Variants in KANK1 observed in about 807,000 individuals in gnomAD.
KANK1 encodes the protein KN motif and ankyrin repeat domain-containing protein 1.
Under a neutral mutation model 106.2 loss-of-function variants are expected in KANK1, and 109 were observed. That is an observed-to-expected ratio of 1.03 (90% CI 0.88 to 1.20). The LOEUF is 1.20. Ranked by LOEUF, KANK1 falls within the 50% of genes most tolerant of loss-of-function variation. The pLI, the probability that KANK1 is intolerant of heterozygous loss-of-function variation, is 0.00. For missense variants in KANK1, 2,399 were observed against 1,710.7 expected, an observed-to-expected ratio of 1.40 and a Z score of -7.10; for synonymous variants, 873 against 652.2, an observed-to-expected ratio of 1.34 and a Z score of -5.16.
chr9:599,021 T>A (rs1448534974), intron 1 of KANK1, among the ~76,000 whole-genome samples: 6 of 56,962 alleles, frequency 1.1e-4, no homozygotes, highest in Admixed American at 2.9e-4. Context: ...ATTATTATTA[T>A]TTTTTTTTTT....
At chr9:633,906 C>G (rs1836431582) in intron 1 of KANK1, among the ~76,000 whole-genome samples, 2 of 152,210 alleles carry the variant, frequency 1.3e-5, no homozygotes, top group South Asian at 4.1e-4. Flanking sequence ...TGGCCTCAGC[C>G]TCCCACAGTG....
At chr9:514,135 C>T (rs183586130) in intron 1 of KANK1, among the ~76,000 whole-genome samples, 1,501 of 78,528 alleles carry the variant, frequency 0.019, 32 homozygotes, top group African/African-American at 0.091. Flanking sequence ...TCTCTCCCTC[C>T]CTCCCTCCCT....
chr9:545,751 TA>T (rs772822394), intron 1 of KANK1, among the ~76,000 whole-genome samples: 4,603 of 112,210 alleles, frequency 0.041, 165 homozygotes, highest in Non-Finnish European at 0.048. Context: ...TTTTTTTTTT[TA>T]AATTCCCTGA....
intron 3 of KANK1, among the ~76,000 whole-genome samples, chr9:490,607 T>C (rs1178898938): frequency 1.3e-5 from 2 of 152,212 alleles, no homozygotes; most frequent in East Asian, 3.9e-4. Context: ...GGACAAAATC[T>C]TTAGATAATT....
At chr9:719,925 AC>A (rs1828862890) in intron 3 of KANK1, among the ~76,000 whole-genome samples, 1 of 152,200 alleles carries the variant, frequency 6.6e-6, no homozygotes, top group African/African-American at 2.4e-5. Flanking sequence ...TTTGCTTTTA[AC>A]ATTCCTTTAT....
rs146878903 is a variant in KANK1 at position 616,004 on chromosome 9, G to A, written c.-83-60886G>A. ...AGCCTCTTGAGGCATGAAAGCCTAA[G>A]GAAGGTTTCTCATATTAAGGATCAA... On this transcript the variant is annotated intron_variant, in intron 1 of 11. Coordinates refer to ENST00000382297, the MANE Select transcript of KANK1 (RefSeq NM_015158.5). Among the ~76,000 whole-genome samples, 61 of 152,212 alleles carry A rather than the reference G, an allele frequency of 4.0e-4. No individual in the cohort carries two copies. The East Asian group carries it at 0.01, about 25-fold the overall frequency.
At chr9:614,187 C>T (rs138223967) in intron 1 of KANK1, among the ~76,000 whole-genome samples, 90 of 152,222 alleles carry the variant, frequency 5.9e-4, no homozygotes, top group African/African-American at 1.9e-3. Flanking sequence ...GTTCACAAAC[C>T]AGCTGTGAGA....
chr9:662,165 C>G (rs1482506036), intron 1 of KANK1, among the ~76,000 whole-genome samples: 2 of 151,950 alleles, frequency 1.3e-5, no homozygotes, highest in African/African-American at 2.4e-5. Context: ...CACTGCTCAA[C>G]AAAATAAAAG....
At chr9:596,771 G>T (rs190807672) in intron 1 of KANK1, among the ~76,000 whole-genome samples, 1 of 151,624 alleles carries the variant, frequency 6.6e-6, no homozygotes, top group African/African-American at 2.4e-5. Flanking sequence ...ACAATAGGCA[G>T]TTTAATAATT....
intron 1 of KANK1, among the ~76,000 whole-genome samples, chr9:625,728 T>A (rs1254198809): frequency 6.6e-6 from 1 of 152,164 alleles, no homozygotes; most frequent in African/African-American, 2.4e-5. Flanking sequence ...ATAAAATGAA[T>A]GGGAAGAAGT....
At chr9:521,172 A>C (rs16917912) in intron 1 of KANK1, among the ~76,000 whole-genome samples, 7,401 of 151,858 alleles carry the variant, frequency 0.049, 270 homozygotes, top group African/African-American at 0.059. Context: ...ATAAAGTCAT[A>C]CATTGCTGTG....
chr9:512,249 G>GTGTGTGTGTGTGTGTGTGTGTGTGTATA (rs370159663), intron 1 of KANK1, among the ~76,000 whole-genome samples: 200 of 149,612 alleles, frequency 1.3e-3, no homozygotes, highest in African/African-American at 4.8e-3. Flanking sequence ...GTGTGTGTGT[G>GTGTGTGTGTGTGTGTGTGTGTGTGTATA]TATGTATATA....
At chr9:523,287 A>G (rs1171779598) in intron 1 of KANK1, among the ~76,000 whole-genome samples, 1 of 151,566 alleles carries the variant, frequency 6.6e-6, no homozygotes, top group Non-Finnish European at 1.5e-5. Context: ...CTTTGTAATC[A>G]TCTTCACTCC....
chr9:484,643 A>T (rs773658867), intron 3 of KANK1, among the ~76,000 whole-genome samples: 1 of 152,238 alleles, frequency 6.6e-6, no homozygotes, highest in Non-Finnish European at 1.5e-5. Flanking sequence ...GATAAAAGAT[A>T]TAAAGTGACC....
chr9:702,690 G>A (rs1160930512), intron 2 of KANK1, among the ~76,000 whole-genome samples: 1 of 152,056 alleles, frequency 6.6e-6, no homozygotes, highest in Non-Finnish European at 1.5e-5. Flanking sequence ...TCTCACGCAC[G>A]CACAATTGTC....
At chr9:730,594 G>T (rs922883302) in intron 4 of KANK1, 2 of 308,244 alleles carry the variant, frequency 6.5e-6, no homozygotes. Flanking sequence ...TCCGGCGGCT[G>T]AGGTGGGAGA....
chr9:493,418 G>C (rs1327753269), intron 3 of KANK1, among the ~76,000 whole-genome samples: 2 of 151,836 alleles, frequency 1.3e-5, no homozygotes, highest in African/African-American at 4.9e-5. Flanking sequence ...GAAGCCCCCA[G>C]TGACATTCTG....
chr9:630,337 T>C (rs1835380190), intron 1 of KANK1, among the ~76,000 whole-genome samples: 1 of 145,418 alleles, frequency 6.9e-6, no homozygotes, highest in African/African-American at 2.6e-5. Flanking sequence ...GATCATGAGG[T>C]TAAGAGATGG....
intron 3 of KANK1, among the ~76,000 whole-genome samples, chr9:493,772 C>G (rs2058415427): frequency 6.6e-6 from 1 of 151,942 alleles, no homozygotes; most frequent in Non-Finnish European, 1.5e-5. Context: ...GTCTTGAACT[C>G]CTGACCTCAG....
Sources: allele counts gnomAD v4.1 joint callset (sites outside exome capture counted in the v4.1 genomes callset), GRCh38; gene constraint gnomAD v4.1.1; transcripts MANE v1.5; gene names NCBI Gene and HGNC (gene_info 2026-07-23, HGNC 2026-07-21).